The following FAHD2A variants were observed in gnomAD, a reference collection of about 807,000 sequenced individuals.
FAHD2A encodes oxaloacetate tautomerase FAHD2A, mitochondrial.
Under a neutral mutation model 33.4 loss-of-function variants are expected in FAHD2A, and 27 were observed. The observed-to-expected ratio is 0.81, with a 90% CI of 0.60 to 1.11. The LOEUF (loss-of-function observed/expected upper bound fraction) is 1.11. Ranked by LOEUF, FAHD2A falls within the 50% of genes most tolerant of loss-of-function variation. FAHD2A has a pLI of 0.00. For synonymous variants in FAHD2A, 130 were observed against 153.3 expected (o/e 0.85, Z 1.12); for missense variants, 296 against 395.0 (o/e 0.75, Z 2.12).
rs776548589 is a variant in FAHD2A, at chr2:95,410,860, A to G, written c.523-4A>G. 3.1e-6 allele frequency: 5 copies of G among 1,613,780 alleles called. No homozygotes were observed. The highest frequency in any genetic ancestry group is 2.2e-5 in the South Asian group (2 of 91,076). On this transcript the variant is annotated splice_polypyrimidine_tract_variant and splice_region_variant and intron_variant, in intron 4 of 7. Transcript: ENST00000233379. The stretch of plus-strand genomic sequence containing the variant: ...CTGTATGGCCAAATCCCCTGCCCCC[A>G]TAGGCCACAGATGCTATGGCCCACG...
rs529275424 is a variant in FAHD2A, at chr2:95,407,370, A to G, written c.462+213A>G. On this transcript the variant is annotated intron_variant, in intron 3 of 7. Coordinates refer to ENST00000233379, the MANE Select transcript of FAHD2A (RefSeq NM_016044.3). ...CAAAAGCAATGCACCTTCACTGTAG[A>G]TAATAAAATAGAGATAAACATTAAA... 5 of 665,540 alleles carry G rather than the reference A, an allele frequency of 7.5e-6. No individual in the cohort carries two copies. The East Asian group carries it at 1.1e-4, about 15-fold the overall frequency. 41.2% of individuals were successfully genotyped at this position (665,540 alleles called of 1,614,324 possible).
At chr2:95,420,414 T>C (rs555817778), downstream of FAHD2A, among the ~76,000 whole-genome samples, 2 of 152,120 alleles carry the variant, frequency 1.3e-5, no homozygotes, top group South Asian at 2.1e-4. Flanking sequence ...ACCATCTTCC[T>C]CCAGTCTCCC....
Position 95,410,529 on chromosome 2 carries a change from G to A in FAHD2A, c.465G>A (p.Glu155=). 1 of 1,609,780 alleles carries A rather than the reference G, an allele frequency of 6.2e-7. No homozygotes were observed. The highest frequency in any genetic ancestry group is 8.5e-7 in the Non-Finnish European group (1 of 1,178,258). The change falls in exon 4 of 8, where the codon GAG becomes GAA. Residue 155 remains glutamate, a splice_region_variant and synonymous_variant. Coordinates refer to ENST00000233379, the MANE Select transcript of FAHD2A (RefSeq NM_016044.3). ...DEVVLPPQSQ[E]VDWEVELAVV... ...ACTGTTCCTCTCCCACCCTACAGGA[G>A]GTAGATTGGGAAGTGGAGCTGGCCG... is the stretch of plus-strand genomic sequence containing the variant.
Position 95,414,170 on chromosome 2 carries a change from T to G in FAHD2A, c.*1213T>G. On this transcript the variant is annotated 3_prime_UTR_variant, in exon 8 of 8. Transcript: ENST00000233379. ...AGCCCGCCTTCCTAGAGTTGGGTTG[T>G]CACTGTCCGGCAGGGGGCAGCAGCC... 6.4e-7 allele frequency: 1 copy of G among 1,573,146 alleles called. No individual in the cohort carries two copies. Among genetic ancestry groups the G allele is most frequent in the Admixed American group, 1.9e-5 (1 of 54,002 alleles).
At position 95,414,205 on chromosome 2, in the gene FAHD2A, C is replaced by T. The variant is rs933901946; in HGVS notation, c.*1248C>T. ...GCAGGGGGCAGCAGCCACCAGCAAA[C>T]ACCACTGCCTGCAGGAGCCTGGGCT... On this transcript the variant is annotated 3_prime_UTR_variant, in exon 8 of 8. Transcript: ENST00000233379. The T allele has an allele frequency of 5.7e-6, 9 of 1,590,142 alleles. No homozygotes were observed. Among genetic ancestry groups the T allele is most frequent in the African/African-American group, 1.4e-5 (1 of 73,914 alleles).
At chr2:95,411,551 G>T (rs1682515777) in intron 5 of FAHD2A, among the ~76,000 whole-genome samples, 1 of 152,196 alleles carries the variant, frequency 6.6e-6, no homozygotes, top group South Asian at 2.1e-4. Context: ...TGTCCACATG[G>T]GCCAGCCATG....
chr2:95,419,572 G>T (rs1683285642), downstream of FAHD2A, among the ~76,000 whole-genome samples: 1 of 152,064 alleles, frequency 6.6e-6, no homozygotes, highest in Admixed American at 6.5e-5. Flanking sequence ...GACATTTTAT[G>T]TGGGGGAAGG....
At chr2:95,406,714 C>A (rs1681618832) in intron 2 of FAHD2A, among the ~76,000 whole-genome samples, 1 of 152,162 alleles carries the variant, frequency 6.6e-6, no homozygotes, top group South Asian at 2.1e-4. Flanking sequence ...TTTACATGGA[C>A]ATGAGTTACC....
rs147005868 is a variant in FAHD2A at position 95,403,627 on chromosome 2, C to T, written c.-7+755C>T. On this transcript the variant is annotated intron_variant, in intron 1 of 7. Transcript: ENST00000233379. ...CTTGGTAGGGGGATGGGGGCTGAAGCTGGATTTTTTTGCTTGCATTACAAG... is the reference window on the plus strand; with the variant it reads ...CTTGGTAGGGGGATGGGGGCTGAAGTTGGATTTTTTTGCTTGCATTACAAG... Among the ~76,000 whole-genome samples, 25 of 152,346 alleles carry T rather than the reference C, an allele frequency of 1.6e-4. 1 individual carries two copies. In the East Asian group the frequency reaches 4.4e-3, roughly 27 times the overall value.
At chr2:95,412,354 C>T in intron 5 of FAHD2A, 80 bp from the exon 6 acceptor site, 1 of 1,556,484 alleles carries the variant, frequency 6.4e-7, no homozygotes, top group Non-Finnish European at 8.8e-7. Context: ...CACGAAGCAC[C>T]CCTACAGTTG....
intron 3 of FAHD2A, among the ~76,000 whole-genome samples, chr2:95,408,617 T>G (rs1346298575): frequency 6.6e-6 from 1 of 152,112 alleles, no homozygotes; most frequent in East Asian, 1.9e-4. Flanking sequence ...CTATCAGATC[T>G]CATGAGACCC....
downstream of FAHD2A, among the ~76,000 whole-genome samples, chr2:95,419,763 A>G (rs941050072): frequency 6.6e-6 from 1 of 152,086 alleles, no homozygotes; most frequent in Non-Finnish European, 1.5e-5. Flanking sequence ...ACATAGATAT[A>G]GAGATAGATC....
chr2:95,408,946 C>T (rs1020336558), intron 3 of FAHD2A, among the ~76,000 whole-genome samples: 15 of 152,228 alleles, frequency 9.9e-5, no homozygotes, highest in Admixed American at 5.2e-4. Flanking sequence ...TCAAACAATA[C>T]CCCCTGCCCT....
At chr2:95,411,735 A>G (rs1318616981) in intron 5 of FAHD2A, among the ~76,000 whole-genome samples, 2 of 152,268 alleles carry the variant, frequency 1.3e-5, no homozygotes, top group Non-Finnish European at 2.9e-5. Flanking sequence ...GCCAGCATCC[A>G]GTACACGAGG....
Position 95,413,184 on chromosome 2 carries a change from G to C in FAHD2A, c.*227G>C. On this transcript the variant is annotated 3_prime_UTR_variant, in exon 8 of 8. Transcript: ENST00000233379. ...TGGGCTTTGTTTCATGGGACAAGTT[G>C]GGGCATTTTGTGGGACTGGGGAAGA... 4.8e-6 allele frequency: 5 copies of C among 1,041,784 alleles called. No homozygotes were observed. Among genetic ancestry groups the C allele is most frequent in the Non-Finnish European group, 6.9e-6 (5 of 728,272 alleles). 64.5% of individuals were successfully genotyped at this position (1,041,784 alleles called of 1,614,324 possible). A position where few individuals can be genotyped will look rare whatever the true frequency, so the allele number is the denominator to read the frequency against.
Position 95,405,697 on chromosome 2 carries a change from G to A in FAHD2A, c.139G>A (p.Gly47Arg). Residue 47 changes from glycine to arginine, a missense_variant, in exon 2 of 8, where the codon GGG (glycine) becomes AGG (arginine). Physicochemically the swap from Gly to Arg is moderately radical, Grantham distance 125. Coordinates refer to ENST00000233379, the MANE Select transcript of FAHD2A (RefSeq NM_016044.3). ...LVGPHLGLET[G>R]NGGGVINLNA... ...GGGGCCTCACTTGGGCCTGGAGACA[G>A]GGAATGGTGGAGGGGTTATCAACCT... 1.2e-6 allele frequency: 2 copies of A among 1,614,136 alleles called. No homozygotes were observed. Among genetic ancestry groups the A allele is most frequent in the South Asian group, 2.2e-5 (2 of 91,076 alleles).
chr2:95,418,207 C>T (rs754022377), downstream of FAHD2A, among the ~76,000 whole-genome samples: 2 of 151,578 alleles, frequency 1.3e-5, no homozygotes, highest in Non-Finnish European at 2.9e-5. Context: ...TAGATACAGG[C>T]AAAATAGAAA....
chr2:95,421,003 CTCTGTG>C (rs1683307013), downstream of FAHD2A, among the ~76,000 whole-genome samples: 1 of 88,704 alleles, frequency 1.1e-5, no homozygotes, highest in African/African-American at 5.2e-5. Context: ...GTGAATGAAC[CTCTGTG>C]TGTGTGTGTG....
At position 95,407,134 on chromosome 2, in the gene FAHD2A, G is replaced by C; in HGVS notation, c.439G>C (p.Val147Leu). The change falls in exon 3 of 8, where the codon GTG (valine) becomes CTG (leucine). Residue 147 changes from valine to leucine, a missense_variant. By Grantham distance (32) the Val-to-Leu change is conservative (BLOSUM62 1). Transcript: ENST00000233379. ...ASSIVGPYDE[V>L]VLPPQSQEVD... ...CTCCATCGTGGGGCCCTATGATGAG[G>C]TGGTCCTCCCACCACAGAGCCAGGT... 6.2e-7 allele frequency: 1 copy of C among 1,612,056 alleles called. No homozygotes were observed. The highest frequency in any genetic ancestry group is 8.5e-7 in the Non-Finnish European group (1 of 1,179,864).
Sources: gnomAD v4.1 joint callset for allele counts (sites outside exome capture counted in the v4.1 genomes callset) on GRCh38, gnomAD v4.1.1 for gene constraint, MANE v1.5 for transcripts, NCBI Gene and HGNC (gene_info 2026-07-23, HGNC 2026-07-21) for gene names.